The following MSRA variants were observed in gnomAD, a reference collection of about 807,000 sequenced individuals.
The protein encoded by MSRA is mitochondrial peptide methionine sulfoxide reductase.
A neutral mutation model predicts 31.3 loss-of-function variants in MSRA; 54 were observed. The ratio of observed to expected loss-of-function variants is 1.73; its 90% CI spans 1.39 to 2.17. The LOEUF (loss-of-function observed/expected upper bound fraction) is 2.17. Among genes scored for constraint, MSRA ranks in the 30% most tolerant of loss-of-function variants. MSRA has a pLI of 0.00. For synonymous variants in MSRA, 169 were observed against 116.5 expected (o/e 1.45, Z -2.90); for missense variants, 507 against 300.9 (o/e 1.69, Z -5.07).
chr8:10,421,046 GT>G (rs1182799400), intron 5 of MSRA, among the ~76,000 whole-genome samples: 2 of 152,106 alleles, frequency 1.3e-5, no homozygotes, highest in East Asian at 3.9e-4. Context: ...TGAAATAAAC[GT>G]CACGTGTTTT....
intron 5 of MSRA, among the ~76,000 whole-genome samples, chr8:10,400,920 C>T (rs924632108): frequency 4.6e-5 from 7 of 152,048 alleles, no homozygotes; most frequent in Non-Finnish European, 8.8e-5. Flanking sequence ...ACGATAAATC[C>T]GTCTCAGGAA....
In MSRA at chr8:10,351,855, C is replaced by T. The variant is rs779766627; in HGVS notation, c.543+31866C>T. Among the ~76,000 whole-genome samples, 36 of 152,188 alleles carry T rather than the reference C, an allele frequency of 2.4e-4. 1 individual carries two copies. Among genetic ancestry groups the T allele is most frequent in the Non-Finnish European group, 3.7e-4 (25 of 68,026 alleles). On this transcript the variant is annotated intron_variant, in intron 5 of 5. Transcript: ENST00000317173. ...AACCCAGACTGCTTTTCCTAATAAA[C>T]TCCCAGAAGAGGCGCAGGTTTTAAG...
At chr8:10,176,648 G>A (rs1806078110) in intron 1 of MSRA, among the ~76,000 whole-genome samples, 1 of 152,160 alleles carries the variant, frequency 6.6e-6, no homozygotes, top group Non-Finnish European at 1.5e-5. Flanking sequence ...AAGAATAAAG[G>A]TACAGAAATT....
chr8:10,253,543 T>A (rs1798024458), intron 3 of MSRA, among the ~76,000 whole-genome samples: 1 of 152,228 alleles, frequency 6.6e-6, no homozygotes, highest in South Asian at 2.1e-4. Context: ...AACATCCTTT[T>A]ACCCATTCAA....
chr8:10,106,415 A>G (rs1178089932), intron 1 of MSRA, among the ~76,000 whole-genome samples: 1 of 152,196 alleles, frequency 6.6e-6, no homozygotes, highest in African/African-American at 2.4e-5. Flanking sequence ...GGCTCCAGTC[A>G]CCGTCTCTGC....
At position 10,120,545 on chromosome 8, in the gene MSRA, C is replaced by G. The variant is rs1007577042; in HGVS notation, c.142+65887C>G. Reference sequence around the variant, plus strand: ...ATTCTTATGTTTTATCCAGCGTTACCTCACGTCAATTCAGTTCAGTTCAAT... The same window carrying G: ...ATTCTTATGTTTTATCCAGCGTTACGTCACGTCAATTCAGTTCAGTTCAAT... On this transcript the variant is annotated intron_variant, in intron 1 of 5. Transcript: ENST00000317173. Among the ~76,000 whole-genome samples the G allele has an allele frequency of 5.3e-5, 8 of 152,204 alleles. No homozygotes were observed. In the South Asian group the frequency reaches 1.7e-3, roughly 32 times the overall value.
chr8:10,291,136 A>G (rs964088482), intron 3 of MSRA, among the ~76,000 whole-genome samples: 2 of 152,210 alleles, frequency 1.3e-5, no homozygotes, highest in African/African-American at 4.8e-5. Flanking sequence ...TGCACAAAGA[A>G]TTAACGGTTG....
intron 1 of MSRA, among the ~76,000 whole-genome samples, chr8:10,144,038 A>G (rs1245260596): frequency 6.6e-6 from 1 of 152,054 alleles, no homozygotes; most frequent in Non-Finnish European, 1.5e-5. Flanking sequence ...TGCTTTTCCC[A>G]TTTGTGAAGT....
intron 1 of MSRA, among the ~76,000 whole-genome samples, chr8:10,138,923 A>G (rs1026808042): frequency 1.3e-5 from 2 of 152,204 alleles, no homozygotes; most frequent in Admixed American, 6.5e-5. Context: ...AGGTGGCCCT[A>G]GAGCTCCTTG....
At chr8:10,074,375 C>T (rs537603075) in intron 1 of MSRA, among the ~76,000 whole-genome samples, 4 of 151,984 alleles carry the variant, frequency 2.6e-5, no homozygotes, top group Admixed American at 2.6e-4. Context: ...AGCTGCCGCA[C>T]CCAGCCTGTC....
intron 5 of MSRA, among the ~76,000 whole-genome samples, chr8:10,427,090 G>T (rs1809221539): frequency 6.6e-6 from 1 of 152,172 alleles, no homozygotes; most frequent in African/African-American, 2.4e-5. Context: ...CACTGTGCTT[G>T]GCAGACTTGA....
chr8:10,167,475 C>T (rs1371329099), intron 1 of MSRA, among the ~76,000 whole-genome samples: 1 of 152,170 alleles, frequency 6.6e-6, no homozygotes, highest in Non-Finnish European at 1.5e-5. Flanking sequence ...GGTTGTTTAT[C>T]AGCAGTGCCA....
At chr8:10,339,943 G>A (rs572309518) in intron 5 of MSRA, among the ~76,000 whole-genome samples, 9 of 152,230 alleles carry the variant, frequency 5.9e-5, no homozygotes, top group East Asian at 5.8e-4. Context: ...CCCCACCCAG[G>A]CCTCTGCTCT....
intron 1 of MSRA, among the ~76,000 whole-genome samples, chr8:10,066,874 A>AC (rs1362418675): frequency 7.3e-6 from 1 of 137,642 alleles, no homozygotes; most frequent in African/African-American, 2.8e-5. Context: ...ATCTTAAATG[A>AC]CTTTTTTTTT....
intron 1 of MSRA, among the ~76,000 whole-genome samples, chr8:10,070,481 G>T (rs1388050813): frequency 6.6e-6 from 1 of 152,204 alleles, no homozygotes; most frequent in Non-Finnish European, 1.5e-5. Flanking sequence ...AATACAAACT[G>T]TTGTACTCTG....
At chr8:10,262,057 T>C (rs1346633941) in intron 3 of MSRA, among the ~76,000 whole-genome samples, 1 of 152,244 alleles carries the variant, frequency 6.6e-6, no homozygotes, top group Admixed American at 6.5e-5. Flanking sequence ...GCTTGATGGC[T>C]TATGTCTTTT....
intron 2 of MSRA, among the ~76,000 whole-genome samples, chr8:10,215,754 C>A (rs751031830): frequency 1.3e-5 from 2 of 152,168 alleles, no homozygotes; most frequent in African/African-American, 2.4e-5. Flanking sequence ...CTATATTTCT[C>A]TTTTGGCCTC....
chr8:10,383,321 G>A (rs1806190730), intron 5 of MSRA, among the ~76,000 whole-genome samples: 1 of 152,184 alleles, frequency 6.6e-6, no homozygotes, highest in South Asian at 2.1e-4. Context: ...GGTGCATGGG[G>A]TCCTGCAATG....
chr8:10,219,602 T>A (rs1417770485), intron 2 of MSRA, among the ~76,000 whole-genome samples: 2 of 151,932 alleles, frequency 1.3e-5, no homozygotes, highest in Admixed American at 1.3e-4. Flanking sequence ...AAGGTCAGAC[T>A]GAGACCATCC....
Sources: gnomAD v4.1 joint callset for allele counts (sites outside exome capture counted in the v4.1 genomes callset) on GRCh38, gnomAD v4.1.1 for gene constraint, MANE v1.5 for transcripts, NCBI Gene and HGNC (gene_info 2026-07-23, HGNC 2026-07-21) for gene names.